The following OTUD7A variants were observed in gnomAD, a reference collection of about 807,000 sequenced individuals.
OTUD7A encodes the protein OTU deubiquitinase 7A, also known as OTU domain-containing protein 7A.
Under a neutral mutation model 65.7 loss-of-function variants are expected in OTUD7A, and 12 were observed. That is an observed-to-expected ratio of 0.18 (90% CI 0.12 to 0.30). OTUD7A has a LOEUF of 0.30. OTUD7A is among the 10% of genes least tolerant of loss of function. The pLI, the probability that OTUD7A is intolerant of heterozygous loss-of-function variation, is 1.00. For missense variants in OTUD7A, 1,148 were observed against 1,304.8 expected, an observed-to-expected ratio of 0.88 and a Z score of 1.85; for synonymous variants, 641 against 586.3, an observed-to-expected ratio of 1.09 and a Z score of -1.35.
chr15:31,797,606 C>T (rs981052025), intron 1 of OTUD7A, among the ~76,000 whole-genome samples: 2 of 152,218 alleles, frequency 1.3e-5, no homozygotes, highest in African/African-American at 2.4e-5. Flanking sequence ...AGGAACAGCC[C>T]CCATTCCTCA....
intron 9 of OTUD7A, among the ~76,000 whole-genome samples, chr15:31,502,674 G>A (rs1247233934): frequency 1.3e-5 from 2 of 152,218 alleles, no homozygotes; most frequent in South Asian, 2.1e-4. Flanking sequence ...ATGGTAGGAA[G>A]CGTGGACCTT....
intron 1 of OTUD7A, among the ~76,000 whole-genome samples, chr15:31,776,685 C>T (rs540896562): frequency 6.6e-6 from 1 of 152,318 alleles, no homozygotes; most frequent in South Asian, 2.1e-4. Context: ...GCCTGTGTGT[C>T]AACAGCTTTG....
At position 31,555,642 on chromosome 15, in the gene OTUD7A, G is replaced by A. The variant is rs538978080; in HGVS notation, c.550+3327C>T. On this transcript the variant is annotated intron_variant, in intron 5 of 12. Coordinates refer to ENST00000307050, the MANE Select transcript of OTUD7A (RefSeq NM_001382637.1). The stretch of plus-strand genomic sequence containing the variant: ...TGTGGGAGACCCTTTAGCACTGGCC[G>A]GCTGAGGGTCTTCACGTGAGTCTGA... Among the ~76,000 whole-genome samples the A allele has an allele frequency of 2.6e-5, 4 of 152,242 alleles. No homozygotes were observed. The East Asian group carries it at 7.7e-4, about 29-fold the overall frequency.
At chr15:31,566,018 T>C (rs1328119142) in intron 4 of OTUD7A, among the ~76,000 whole-genome samples, 56 of 152,050 alleles carry the variant, frequency 3.7e-4, no homozygotes, top group African/African-American at 4.8e-5. Flanking sequence ...CGGTGAAACC[T>C]TGTCTCTACT....
At chr15:31,782,144 A>G (rs1327894601) in intron 1 of OTUD7A, among the ~76,000 whole-genome samples, 1 of 152,242 alleles carries the variant, frequency 6.6e-6, no homozygotes, top group Non-Finnish European at 1.5e-5. Context: ...GCTGCTGTGA[A>G]CAGGCAGGCA....
intron 5 of OTUD7A, among the ~76,000 whole-genome samples, chr15:31,539,469 A>C (rs1004023485): frequency 6.6e-6 from 1 of 152,190 alleles, no homozygotes; most frequent in Non-Finnish European, 1.5e-5. Flanking sequence ...ACTGGCTGGG[A>C]ATCTTAAAAT....
intron 1 of OTUD7A, among the ~76,000 whole-genome samples, chr15:31,708,876 G>T (rs62002674): frequency 1.2e-4 from 18 of 151,490 alleles, no homozygotes; most frequent in Non-Finnish European, 2.5e-4. Flanking sequence ...AGCTGGGGAA[G>T]GAGGCAGTGA....
At chr15:31,773,343 T>A (rs904813402) in intron 1 of OTUD7A, among the ~76,000 whole-genome samples, 2 of 152,194 alleles carry the variant, frequency 1.3e-5, no homozygotes, top group Admixed American at 1.3e-4. Context: ...TTTCTCACAG[T>A]TCTGGAGGGA....
intron 1 of OTUD7A, among the ~76,000 whole-genome samples, chr15:31,822,505 A>G (rs1896707105): frequency 6.6e-6 from 1 of 152,228 alleles, no homozygotes; most frequent in African/African-American, 2.4e-5. Flanking sequence ...TCCAGTCAAC[A>G]AAGCAGGTGC....
At chr15:31,839,949 A>G (rs1378110698) in intron 1 of OTUD7A, among the ~76,000 whole-genome samples, 1 of 4,938 alleles carries the variant, frequency 2.0e-4, no homozygotes, top group Non-Finnish European at 4.5e-4. Flanking sequence ...TTACTTTAAA[A>G]AAACTTTTTT....
intron 1 of OTUD7A, among the ~76,000 whole-genome samples, chr15:31,703,041 A>G (rs2654078): frequency 2.8e-3 from 423 of 151,246 alleles, no homozygotes; most frequent in African/African-American, 5.6e-3. Context: ...AAACAAGAAA[A>G]AAAGAAAGAA....
intron 1 of OTUD7A, among the ~76,000 whole-genome samples, chr15:31,793,947 G>A (rs1895884893): frequency 6.6e-6 from 1 of 152,196 alleles, no homozygotes. Context: ...ATGTTGATCA[G>A]AAATTCTTAA....
At chr15:31,500,220 G>A (rs1314750892) in intron 10 of OTUD7A, among the ~76,000 whole-genome samples, 2 of 152,252 alleles carry the variant, frequency 1.3e-5, no homozygotes, top group East Asian at 1.9e-4. Context: ...GGAAGGAGGT[G>A]CAGGCATTCC....
intron 1 of OTUD7A, among the ~76,000 whole-genome samples, chr15:31,860,675 G>GTATATATATATATATA (rs1174495237): frequency 3.0e-4 from 4 of 13,118 alleles, no homozygotes; most frequent in African/African-American, 4.9e-4. Context: ...AGATGTATGT[G>GTATATATATATATATA]TGTATATATA....
At chr15:31,505,782 C>T (rs1396574124) in intron 8 of OTUD7A, among the ~76,000 whole-genome samples, 1 of 150,316 alleles carries the variant, frequency 6.7e-6, no homozygotes, top group Admixed American at 6.6e-5. Flanking sequence ...TGGAGTCTCA[C>T]TCTGTCGCCC....
At chr15:31,509,373 G>A (rs1190769512) in intron 8 of OTUD7A, among the ~76,000 whole-genome samples, 1 of 151,990 alleles carries the variant, frequency 6.6e-6, no homozygotes, top group Non-Finnish European at 1.5e-5. Context: ...CCACCTCCTG[G>A]GTTCACGCCA....
chr15:31,513,234 G>A (rs1210845975), intron 8 of OTUD7A, among the ~76,000 whole-genome samples: 3 of 152,176 alleles, frequency 2.0e-5, no homozygotes, highest in South Asian at 4.1e-4. Context: ...AAATAGTTGC[G>A]CACATACAGT....
intron 1 of OTUD7A, among the ~76,000 whole-genome samples, chr15:31,758,283 A>C (rs1894869118): frequency 6.6e-6 from 1 of 152,134 alleles, no homozygotes; most frequent in African/African-American, 2.4e-5. Flanking sequence ...AAACAAGCAA[A>C]ACAGGAAACA....
chr15:31,627,808 T>C (rs972102649), intron 3 of OTUD7A, among the ~76,000 whole-genome samples: 2 of 152,254 alleles, frequency 1.3e-5, no homozygotes, highest in African/African-American at 2.4e-5. Flanking sequence ...TGGTATCTCA[T>C]TGTGGTTTCG....
Sources: gnomAD v4.1 joint callset for allele counts (sites outside exome capture counted in the v4.1 genomes callset) on GRCh38, gnomAD v4.1.1 for gene constraint, MANE v1.5 for transcripts, NCBI Gene and HGNC (gene_info 2026-07-23, HGNC 2026-07-21) for gene names.